The following PRMT8 variants were observed in gnomAD, a reference collection of about 807,000 sequenced individuals.
The protein encoded by PRMT8 is protein arginine methyltransferase 8.
PRMT8 carries 7 observed loss-of-function variants against 47.1 expected under a neutral mutation model. That is an observed-to-expected ratio of 0.15 (90% confidence interval 0.08 to 0.28). PRMT8 has a LOEUF of 0.28. Ranked by LOEUF, PRMT8 falls within the 10% of genes least tolerant of loss-of-function variation. The pLI is 1.00. For synonymous variants in PRMT8, 188 were observed against 186.5 expected, an observed-to-expected ratio of 1.01 and a Z score of -0.07; for missense variants, 237 against 505.4, an observed-to-expected ratio of 0.47 and a Z score of 5.09.
chr12:3,414,253 AC>A (rs1864462127), intron 1 of PRMT8, among the ~76,000 whole-genome samples: 1 of 152,210 alleles, frequency 6.6e-6, no homozygotes, highest in Non-Finnish European at 1.5e-5. Flanking sequence ...GGAATAACAA[AC>A]CTGGATTCTT....
intron 1 of PRMT8, among the ~76,000 whole-genome samples, chr12:3,408,012 A>G (rs1864389678): frequency 6.6e-6 from 1 of 151,548 alleles, no homozygotes; most frequent in African/African-American, 2.4e-5. Flanking sequence ...TCTTTGTTGC[A>G]TTTCTCACTC....
At chr12:3,529,847 C>G (rs997789464) in intron 1 of PRMT8, among the ~76,000 whole-genome samples, 1 of 152,158 alleles carries the variant, frequency 6.6e-6, no homozygotes, top group Non-Finnish European at 1.5e-5. Flanking sequence ...CAGTTATGCT[C>G]TATGGGCTGA....
intron 1 of PRMT8, among the ~76,000 whole-genome samples, chr12:3,528,124 G>A (rs539401449): frequency 6.6e-6 from 1 of 151,764 alleles, no homozygotes; most frequent in Non-Finnish European, 1.5e-5. Flanking sequence ...TATGTACCTT[G>A]GTATAGTTTT....
At chr12:3,568,398 T>C (rs1179444397) in intron 4 of PRMT8, among the ~76,000 whole-genome samples, 1 of 151,058 alleles carries the variant, frequency 6.6e-6, no homozygotes, top group African/African-American at 2.4e-5. Context: ...AAAGCCAGGT[T>C]GTTAAGGGTC....
At chr12:3,410,463 G>A (rs1369354300) in intron 1 of PRMT8, among the ~76,000 whole-genome samples, 1 of 152,074 alleles carries the variant, frequency 6.6e-6, no homozygotes, top group Non-Finnish European at 1.5e-5. Context: ...TATGACCCTT[G>A]CATTTTACTT....
chr12:3,445,510 A>T (rs560355136), intron 1 of PRMT8, among the ~76,000 whole-genome samples: 20 of 152,122 alleles, frequency 1.3e-4, no homozygotes, highest in Admixed American at 6.5e-4. Flanking sequence ...GCTATTCCTC[A>T]AACAGCAATC....
chr12:3,435,604 CT>C (rs1156553020), intron 1 of PRMT8, among the ~76,000 whole-genome samples: 2 of 150,588 alleles, frequency 1.3e-5, no homozygotes, highest in Non-Finnish European at 3.0e-5. Flanking sequence ...TCACTGCAAG[CT>C]CCGCCTCCCG....
chr12:3,446,835 C>G (rs1452917033), intron 1 of PRMT8, among the ~76,000 whole-genome samples: 1 of 152,222 alleles, frequency 6.6e-6, no homozygotes, highest in East Asian at 1.9e-4. Flanking sequence ...TCCCTTTGCC[C>G]CATGTGCTTT....
At position 3,575,789 on chromosome 12, in the gene PRMT8, T is replaced by G. The variant is rs368813774; in HGVS notation, c.713-1082T>G. ...ATCCCAGCACTTTGGGAGGCCTAGG[T>G]GGGCAGATCACCTGAGGTCAGGAGT... On this transcript the variant is annotated intron_variant, in intron 6 of 9. Coordinates refer to ENST00000382622, the MANE Select transcript of PRMT8 (RefSeq NM_019854.5). Among the ~76,000 whole-genome samples the G allele has an allele frequency of 2.2e-4, 33 of 152,250 alleles. 1 individual carries two copies. The highest frequency in any genetic ancestry group is 1.5e-3 in the East Asian group (8 of 5,180).
chr12:3,490,712 AG>A (rs1565420855), upstream of PRMT8, among the ~76,000 whole-genome samples: 4 of 140,648 alleles, frequency 2.8e-5, no homozygotes, highest in African/African-American at 7.5e-5. Flanking sequence ...AGAGAGAGAG[AG>A]AGAGAGAAAA....
At chr12:3,467,842 G>A (rs1401018510) in intron 1 of PRMT8, among the ~76,000 whole-genome samples, 1 of 152,206 alleles carries the variant, frequency 6.6e-6, no homozygotes, top group African/African-American at 2.4e-5. Flanking sequence ...GGGACCTCAA[G>A]GGAACATCAG....
rs1468910798 is a variant in PRMT8, at chr12:3,531,999, G to A, written c.76-8607G>A. Among the ~76,000 whole-genome samples, 3 of 152,132 alleles carry A rather than the reference G, an allele frequency of 2.0e-5. No homozygotes were observed. In the South Asian group the frequency reaches 6.2e-4, roughly 32 times the overall value. On this transcript the variant is annotated intron_variant, in intron 1 of 9. Transcript: ENST00000382622. ...AGGACAGGGTTCCTAGGCACCAGCT[G>A]GAGAGCCTGTTAACATGCCCAGTGT...
chr12:3,496,214 A>ATTTTTTTTTTTTTTTTTT lies in PRMT8; in HGVS notation c.75+4523_75+4540dup, dbSNP rs1555085718. 1.4e-4 allele frequency among the ~76,000 whole-genome samples: 4 copies of ATTTTTTTTTTTTTTTTTT among 27,756 alleles called. 1 individual carries two copies. Among genetic ancestry groups the ATTTTTTTTTTTTTTTTTT allele is most frequent in the Non-Finnish European group, 3.2e-4 (4 of 12,632 alleles). The allele number at this position is 27,756 out of a possible 152,430, so 18.2% of individuals were successfully genotyped here. ...TTTGGAAACTGATATATATATATAT[A>ATTTTTTTTTTTTTTTTTT]TTTTTTTTTTTTTTTTTTTTTTTTT... On this transcript the variant is annotated intron_variant, in intron 1 of 9. Transcript: ENST00000382622.
At chr12:3,478,202 G>A (rs1369875175) in intron 1 of PRMT8, among the ~76,000 whole-genome samples, 1 of 152,122 alleles carries the variant, frequency 6.6e-6, no homozygotes, top group African/African-American at 2.4e-5. Context: ...ACTCTCCAAT[G>A]GAAAGAAATG....
At chr12:3,429,662 G>T (rs775062598) in intron 1 of PRMT8, among the ~76,000 whole-genome samples, 3 of 152,208 alleles carry the variant, frequency 2.0e-5, no homozygotes, top group Non-Finnish European at 4.4e-5. Flanking sequence ...ATCAGGCCAC[G>T]CTTCCACTCA....
At chr12:3,471,144 C>CT (rs1179607373) in intron 1 of PRMT8, among the ~76,000 whole-genome samples, 8 of 152,058 alleles carry the variant, frequency 5.3e-5, no homozygotes, top group Non-Finnish European at 1.0e-4. Flanking sequence ...GAAGGCTGCA[C>CT]TTTAAGAGAT....
intron 1 of PRMT8, among the ~76,000 whole-genome samples, chr12:3,465,526 A>G (rs932382149): frequency 7.2e-5 from 11 of 152,008 alleles, no homozygotes; most frequent in African/African-American, 2.7e-4. Context: ...CCTGGAAAGG[A>G]AAGAGTGGGC....
chr12:3,579,739 G>A (rs1867018408), intron 7 of PRMT8, among the ~76,000 whole-genome samples: 1 of 152,136 alleles, frequency 6.6e-6, no homozygotes, highest in Non-Finnish European at 1.5e-5. Context: ...TATTAACATT[G>A]CAGAGTGTGA....
At chr12:3,459,996 GA>G (rs1194261523) in intron 1 of PRMT8, among the ~76,000 whole-genome samples, 1 of 152,178 alleles carries the variant, frequency 6.6e-6, no homozygotes, top group Non-Finnish European at 1.5e-5. Context: ...CACTTCACAT[GA>G]AAGCATTTTA....
Sources: gnomAD v4.1 joint callset for allele counts (sites outside exome capture counted in the v4.1 genomes callset) on GRCh38, gnomAD v4.1.1 for gene constraint, MANE v1.5 for transcripts, NCBI Gene and HGNC (gene_info 2026-07-23, HGNC 2026-07-21) for gene names.